The following EXOC6 variants were observed in gnomAD, a reference collection of about 807,000 sequenced individuals.
The protein encoded by EXOC6 is SEC15-like 1.
A neutral mutation model predicts 112.5 loss-of-function variants in EXOC6; 60 were observed. That is an observed-to-expected ratio of 0.53 (90% CI 0.43 to 0.66). The LOEUF (loss-of-function observed/expected upper bound fraction) is 0.66. Among genes scored for constraint, EXOC6 ranks in the 30% least tolerant of loss-of-function variants. The pLI is 0.00. For missense variants in EXOC6, 855 were observed against 957.1 expected (o/e 0.89, Z 1.41); for synonymous variants, 295 against 308.0 (o/e 0.96, Z 0.44).
chr10:92,838,941 T>G (rs1335724443), intron 1 of EXOC6, among the ~76,000 whole-genome samples: 1 of 152,076 alleles, frequency 6.6e-6, no homozygotes, highest in African/African-American at 2.4e-5. Context: ...GTCGTAGTGG[T>G]GCACGTCTGT....
intron 1 of EXOC6, among the ~76,000 whole-genome samples, chr10:92,889,201 T>C (rs9633694): frequency 0.26 from 38,926 of 152,142 alleles, 6,326 homozygotes; most frequent in East Asian, 0.74. Flanking sequence ...TATACTATAC[T>C]AGTCATTAGT....
Position 92,928,416 on chromosome 10 carries a change from G to T in EXOC6, c.966G>T (p.Ser322=). 6.3e-7 allele frequency: 1 copy of T among 1,595,754 alleles called. No homozygotes were observed. The change falls in exon 9 of 22, where the codon TCG becomes TCT. Residue 322 remains serine (S), a synonymous_variant. Transcript: ENST00000260762. Reference sequence around the variant, plus strand: ...CAAGACTGGTATTGCAACCCCAGTCGAATATGGTAAGTATGCGATATTTTG... The same window carrying T: ...CAAGACTGGTATTGCAACCCCAGTCTAATATGGTAAGTATGCGATATTTTG... ...KQARLVLQPQ[S]NMHETVDGYR...
intron 1 of EXOC6, among the ~76,000 whole-genome samples, chr10:92,851,172 A>G (rs980104789): frequency 2.0e-5 from 3 of 152,232 alleles, no homozygotes; most frequent in Non-Finnish European, 4.4e-5. Flanking sequence ...CTCCTAGCCT[A>G]AGAAACTAGG....
At chr10:92,911,901 TTCTCTCTCTCTC>T (rs113097452) in intron 6 of EXOC6, among the ~76,000 whole-genome samples, 18 of 140,012 alleles carry the variant, frequency 1.3e-4, no homozygotes, top group East Asian at 8.4e-4. Context: ...TCTTGTGGGT[TTCTCTCTCTCTC>T]TCTCTCTCTC....
intron 4 of EXOC6, among the ~76,000 whole-genome samples, chr10:92,896,173 ATATATATATTTTTT>A (rs1849795373): frequency 4.2e-5 from 1 of 23,810 alleles, no homozygotes; most frequent in Non-Finnish European, 6.6e-5. Flanking sequence ...ATATATATAT[ATATATATATTTTTT>A]TTTTTTTTTT....
intron 13 of EXOC6, among the ~76,000 whole-genome samples, chr10:92,944,248 T>A (rs1173668371): frequency 3.3e-5 from 5 of 152,114 alleles, no homozygotes; most frequent in Non-Finnish European, 7.3e-5. Flanking sequence ...TTTTATTATT[T>A]TTTTTGAGAC....
At chr10:92,893,180 C>A (rs977493008) in intron 1 of EXOC6, among the ~76,000 whole-genome samples, 169 bp from the exon 2 acceptor site, 3 of 152,088 alleles carry the variant, frequency 2.0e-5, no homozygotes, top group Non-Finnish European at 4.4e-5. Context: ...TTAATATTAT[C>A]ATGTTCAAGA....
intron 1 of EXOC6, among the ~76,000 whole-genome samples, chr10:92,873,788 T>C (rs992574992): frequency 2.2e-4 from 34 of 152,092 alleles, no homozygotes; most frequent in African/African-American, 8.0e-4. Context: ...CGGTGGCTCA[T>C]GCCTGTAATA....
intron 18 of EXOC6, among the ~76,000 whole-genome samples, chr10:92,994,653 T>G (rs974937676): frequency 2.6e-5 from 4 of 152,070 alleles, no homozygotes; most frequent in Non-Finnish European, 5.9e-5. Flanking sequence ...GCTTTTTTTG[T>G]TAATGTTAAA....
intron 17 of EXOC6, among the ~76,000 whole-genome samples, chr10:92,959,615 G>A (rs1853876383): frequency 6.6e-6 from 1 of 152,182 alleles, no homozygotes; most frequent in Admixed American, 6.5e-5. Context: ...AGACTTATCT[G>A]ATAAAGGACT....
intron 19 of EXOC6, among the ~76,000 whole-genome samples, chr10:92,998,718 T>C (rs1843611036): frequency 6.6e-6 from 1 of 151,628 alleles, no homozygotes; most frequent in South Asian, 2.1e-4. Context: ...AAATGTTTAT[T>C]TAGAAAACAA....
chr10:92,925,555 A>G (rs1851667950), intron 8 of EXOC6, among the ~76,000 whole-genome samples: 2 of 152,130 alleles, frequency 1.3e-5, no homozygotes, highest in Admixed American at 1.3e-4. Flanking sequence ...TCGGCCTCCC[A>G]AAGTGCTGGG....
chr10:93,022,153 T>C (rs1251191618), intron 20 of EXOC6, among the ~76,000 whole-genome samples: 1 of 152,190 alleles, frequency 6.6e-6, no homozygotes, highest in African/African-American at 2.4e-5. Context: ...TTAATAAACA[T>C]CTCAAGTCAT....
At chr10:93,040,593 T>C (rs1487220309) in intron 20 of EXOC6, among the ~76,000 whole-genome samples, 2 of 152,214 alleles carry the variant, frequency 1.3e-5, no homozygotes, top group African/African-American at 4.8e-5. Flanking sequence ...TATTTCCAAT[T>C]TCTCTTCCCT....
intron 2 of EXOC6, 127 bp downstream of exon 2, chr10:92,893,647 G>A (rs1467044860): frequency 6.8e-6 from 5 of 734,382 alleles, no homozygotes; most frequent in Non-Finnish European, 1.1e-5. Flanking sequence ...ATATGTATTA[G>A]GGAATGCTCT....
chr10:92,931,368 A>C (rs1852027228), intron 9 of EXOC6, among the ~76,000 whole-genome samples: 1 of 151,770 alleles, frequency 6.6e-6, no homozygotes, highest in African/African-American at 2.4e-5. Flanking sequence ...TTAAGTGTAT[A>C]TAAGAACAAC....
At chr10:92,992,141 T>C (rs4918435) in intron 18 of EXOC6, among the ~76,000 whole-genome samples, 41,835 of 151,670 alleles carry the variant, frequency 0.28, 6,746 homozygotes, top group East Asian at 0.74. Flanking sequence ...ATACAAAAAT[T>C]AGCCGGGCAT....
chr10:92,966,697 A>C (rs1312243265), intron 17 of EXOC6, among the ~76,000 whole-genome samples: 1 of 147,052 alleles, frequency 6.8e-6, no homozygotes, highest in Non-Finnish European at 1.5e-5. Context: ...ATTGTTGGAC[A>C]TTTGGGTTGG....
intron 20 of EXOC6, among the ~76,000 whole-genome samples, chr10:93,020,542 T>A (rs1250938000): frequency 6.6e-6 from 1 of 152,302 alleles, no homozygotes; most frequent in South Asian, 2.1e-4. Context: ...ATTAAAAATA[T>A]GTTTGCCTAC....
Sources: gnomAD v4.1 joint callset for allele counts (sites outside exome capture counted in the v4.1 genomes callset) on GRCh38, gnomAD v4.1.1 for gene constraint, MANE v1.5 for transcripts, NCBI Gene and HGNC (gene_info 2026-07-23, HGNC 2026-07-21) for gene names.